The following ICE1 variants were observed in gnomAD, a reference collection of about 807,000 sequenced individuals.
The protein encoded by ICE1 is interactor of little elongation complex ELL subunit 1, also known as little elongation complex subunit 1.
ICE1 carries 64 observed loss-of-function variants against 192.7 expected under a neutral mutation model. The ratio of observed to expected loss-of-function variants is 0.33; its 90% CI spans 0.27 to 0.41. The LOEUF (loss-of-function observed/expected upper bound fraction) is 0.41. Among genes scored for constraint, ICE1 ranks in the 10% least tolerant of loss-of-function variants. ICE1 has a pLI of 1.00. For missense variants in ICE1, 2,708 were observed against 2,696.0 expected, an observed-to-expected ratio of 1.00 and a Z score of -0.10; for synonymous variants, 1,010 against 984.5, an observed-to-expected ratio of 1.03 and a Z score of -0.49.
chr5:5,484,487 A>T (rs560571618), intron 17 of ICE1, among the ~76,000 whole-genome samples: 2 of 152,294 alleles, frequency 1.3e-5, no homozygotes, highest in South Asian at 4.1e-4. Flanking sequence ...GTTTAATCTG[A>T]TTGCAAAGAG....
intron 17 of ICE1, among the ~76,000 whole-genome samples, chr5:5,482,765 C>T (rs1342053725): frequency 7.3e-6 from 1 of 136,336 alleles, no homozygotes; most frequent in African/African-American, 2.9e-5. Flanking sequence ...CATTAACACC[C>T]CCACCCCCCA....
chr5:5,478,362 T>C (rs1739401205), intron 17 of ICE1, among the ~76,000 whole-genome samples: 1 of 152,190 alleles, frequency 6.6e-6, no homozygotes, highest in South Asian at 2.1e-4. Flanking sequence ...CATTCATAAT[T>C]GCTACAAAGA....
intron 18 of ICE1, among the ~76,000 whole-genome samples, 153 bp downstream of exon 18, chr5:5,486,972 G>T (rs537677198): frequency 6.6e-6 from 1 of 152,108 alleles, no homozygotes; most frequent in Admixed American, 6.6e-5. Flanking sequence ...CATTAATATT[G>T]GAATGTGTGT....
At chr5:5,436,521 C>T (rs1737877102) in intron 2 of ICE1, 45 bp downstream of exon 2, 4 of 1,197,184 alleles carry the variant, frequency 3.3e-6, no homozygotes, top group Non-Finnish European at 4.5e-6. Context: ...GTAAACCTGA[C>T]AAACTGGCTG....
rs578183055 is a variant in ICE1 at position 5,465,547 on chromosome 5, T to A, written c.5892+321T>A. Among the ~76,000 whole-genome samples, 36 of 152,338 alleles carry A rather than the reference T, an allele frequency of 2.4e-4. No homozygotes were observed. The South Asian group carries it at 6.4e-3, about 27-fold the overall frequency. ...AAATTATTTTCTTCAAAGCTTCAAA[T>A]TATCACATAATTTTTCTTTTCCTTG... On this transcript the variant is annotated intron_variant, in intron 13 of 18. Transcript: ENST00000296564.
At chr5:5,471,160 A>T (rs1175668618) in intron 15 of ICE1, among the ~76,000 whole-genome samples, 1 of 152,216 alleles carries the variant, frequency 6.6e-6, no homozygotes, top group Non-Finnish European at 1.5e-5. Context: ...AACAGAGAAA[A>T]GCAAAAATAG....
At chr5:5,452,225 A>G (rs1317425834) in intron 10 of ICE1, among the ~76,000 whole-genome samples, 2 of 150,166 alleles carry the variant, frequency 1.3e-5, no homozygotes, top group South Asian at 2.1e-4. Context: ...TAAATGCAGA[A>G]GAGTAGGATC....
intron 9 of ICE1, 39 bp downstream of exon 9, chr5:5,447,799 A>C (rs1200061824): frequency 6.4e-7 from 1 of 1,569,842 alleles, no homozygotes; most frequent in Non-Finnish European, 8.7e-7. Flanking sequence ...TTTATTTTTG[A>C]TATGTAGTAT....
chr5:5,454,505 A>G, intron 10 of ICE1, 47 bp from the exon 11 acceptor site: 1 of 1,332,192 alleles, frequency 7.5e-7, no homozygotes, highest in South Asian at 1.2e-5. Context: ...GGCCTTGTGT[A>G]CGGTGAGCCA....
At position 5,476,212 on chromosome 5, in the gene ICE1, T is replaced by G. The variant is rs192527488; in HGVS notation, c.6520+133T>G. On this transcript the variant is annotated intron_variant, in intron 17 of 18. Transcript: ENST00000296564. Reference sequence around the variant, plus strand: ...TTACAACCATCAGAGTAGATACTTTTGTACTTAAGTCATTCTCCTTTCTCT... The same window carrying G: ...TTACAACCATCAGAGTAGATACTTTGGTACTTAAGTCATTCTCCTTTCTCT... The G allele has an allele frequency of 3.4e-5, 18 of 528,590 alleles. No homozygotes were observed. The East Asian group carries it at 5.7e-4, about 17-fold the overall frequency. The allele number at this position is 528,590 out of a possible 1,614,324, so 32.7% of individuals were successfully genotyped here. A position where few individuals can be genotyped will look rare whatever the true frequency, so the allele number is the denominator to read the frequency against.
At chr5:5,427,216 CT>C (rs1737551090) in intron 1 of ICE1, among the ~76,000 whole-genome samples, 1 of 152,166 alleles carries the variant, frequency 6.6e-6, no homozygotes. Context: ...CACTTCATAT[CT>C]GTTTTGTTAC....
At chr5:5,423,799 C>T (rs890888889) in intron 1 of ICE1, among the ~76,000 whole-genome samples, 5 of 152,274 alleles carry the variant, frequency 3.3e-5, no homozygotes, top group South Asian at 2.1e-4. Context: ...TCACCAGCAC[C>T]TCATTACCTA....
At chr5:5,431,275 G>A (rs1737701035) in intron 1 of ICE1, among the ~76,000 whole-genome samples, 1 of 152,234 alleles carries the variant, frequency 6.6e-6, no homozygotes, top group Admixed American at 6.5e-5. Context: ...AAAAATAATA[G>A]TTTAAATGCA....
chr5:5,454,669 A>C, intron 11 of ICE1, 31 bp downstream of exon 11: 2 of 1,553,648 alleles, frequency 1.3e-6, no homozygotes, highest in Non-Finnish European at 1.8e-6. Flanking sequence ...AACCGATTTC[A>C]TATGTGAAAG....
At position 5,443,186 on chromosome 5, in the gene ICE1, C is replaced by A; in HGVS notation, c.328C>A (p.Gln110Lys). 1.3e-6 allele frequency: 2 copies of A among 1,501,990 alleles called. No homozygotes were observed. The highest frequency in any genetic ancestry group is 1.3e-5 in the South Asian group (1 of 77,574). The allele number at this position is 1,501,990 out of a possible 1,614,324, so 93.0% of individuals were successfully genotyped here. A position where few individuals can be genotyped will look rare whatever the true frequency, so the allele number is the denominator to read the frequency against. ...EEKKSSLKLYQDTHQEYARVK... is the reference protein window; with the variant it reads ...EEKKSSLKLYKDTHQEYARVK... The stretch of plus-strand genomic sequence containing the variant: ...TTTAAAGAGTTCTTTAAAGTTGTAT[C>A]AGGATACTCATCAGGAATATGCTCG... The change falls in exon 6 of 19, where the codon CAG becomes AAG. Residue 110 changes from glutamine (Q) to lysine (K), a missense_variant. This residue lies in a region of ICE1 where 2,366 missense variants were observed against 2,276.6 expected (regional missense o/e 1.04). Coordinates refer to ENST00000296564, the MANE Select transcript of ICE1 (RefSeq NM_015325.3).
chr5:5,447,355 A>G (rs1440496727), intron 7 of ICE1, 72 bp from the exon 8 acceptor site: 2 of 904,102 alleles, frequency 2.2e-6, no homozygotes, highest in Non-Finnish European at 3.3e-6. Context: ...TAAGATTTTG[A>G]GTATTTCATT....
chr5:5,452,676 A>G (rs1738458860), intron 10 of ICE1, among the ~76,000 whole-genome samples: 1 of 152,158 alleles, frequency 6.6e-6, no homozygotes, highest in Admixed American at 6.5e-5. Flanking sequence ...TTATAGGGAA[A>G]AGTGTATGTT....
chr5:5,483,227 C>G (rs1221257833), intron 17 of ICE1, among the ~76,000 whole-genome samples: 1 of 152,116 alleles, frequency 6.6e-6, no homozygotes, highest in African/African-American at 2.4e-5. Context: ...AACTCCCGGC[C>G]TCAGGTGATC....
rs760162465 is a variant in ICE1 at position 5,462,735 on chromosome 5, G to A, written c.3401G>A (p.Gly1134Glu). 17 of 1,613,670 alleles carry A rather than the reference G, an allele frequency of 1.1e-5. No homozygotes were observed. The highest frequency in any genetic ancestry group is 1.4e-5 in the Non-Finnish European group (16 of 1,179,810). The change falls in exon 13 of 19, where the codon GGA (glycine) becomes GAA (glutamate). Residue 1134 changes from glycine (G) to glutamate (E), a missense_variant. Coordinates refer to ENST00000296564, the MANE Select transcript of ICE1 (RefSeq NM_015325.3). ...CCTGATGACTCACAGAAAAATTTAG[G>A]AGACACAGATGCTGCTGTAGCCGAG... The part of the protein sequence containing the change: ...DAPDDSQKNL[G>E]DTDAAVAEVR...
Sources: gnomAD v4.1 joint callset for allele counts (sites outside exome capture counted in the v4.1 genomes callset) on GRCh38, gnomAD v4.1.1 for gene constraint, gnomAD v4.1.1 regional missense constraint, MANE v1.5 for transcripts, NCBI Gene and HGNC (gene_info 2026-07-23, HGNC 2026-07-21) for gene names.